PRUNE1: variants seen among roughly 807,000 people sequenced by gnomAD.
PRUNE1 encodes exopolyphosphatase PRUNE1.
A neutral mutation model predicts 42.5 loss-of-function variants in PRUNE1; 25 were observed. That is an observed-to-expected ratio of 0.59 (90% CI 0.43 to 0.82). PRUNE1 has a LOEUF of 0.82. Among genes scored for constraint, PRUNE1 ranks in the 40% least tolerant of loss-of-function variants. The pLI is 0.00. For missense variants in PRUNE1, 443 were observed against 539.3 expected, an observed-to-expected ratio of 0.82 and a Z score of 1.77; for synonymous variants, 203 against 217.1, an observed-to-expected ratio of 0.93 and a Z score of 0.57.
At chr1:151,019,289 G>A (rs1674279986) in intron 3 of PRUNE1, among the ~76,000 whole-genome samples, 1 of 152,062 alleles carries the variant, frequency 6.6e-6, no homozygotes, top group Non-Finnish European at 1.5e-5. Context: ...GGGTGTGATG[G>A]CTCACGCCTG....
rs762208592 is a variant in PRUNE1 at position 151,034,191 on chromosome 1, TCTCA to T, written c.1322_1325del (p.Ser441CysfsTer15). Reference sequence around the variant, plus strand: ...GCCGTCTTCGAGAAGTGCAGTCAGATCTCACTGTCACAGTCTACCACAGCCTCCC... The same window carrying T: ...GCCGTCTTCGAGAAGTGCAGTCAGATCTGTCACAGTCTACCACAGCCTCCC... On this transcript the variant is annotated frameshift_variant, in exon 8 of 8. Coordinates refer to ENST00000271620, the MANE Select transcript of PRUNE1 (RefSeq NM_021222.3). LOFTEE classifies it high-confidence loss of function. 4 of 1,613,956 alleles carry T rather than the reference TCTCA, an allele frequency of 2.5e-6. No homozygotes were observed. Among genetic ancestry groups the T allele is most frequent in the Non-Finnish European group, 3.4e-6 (4 of 1,180,020 alleles).
At chr1:151,031,416 G>A (rs922744875) in intron 7 of PRUNE1, among the ~76,000 whole-genome samples, 2 of 151,884 alleles carry the variant, frequency 1.3e-5, no homozygotes, top group African/African-American at 4.8e-5. Context: ...CGAACTCCTG[G>A]ACTCAAGTGA....
At chr1:151,031,175 T>TTTTTTTG (rs1263944625) in intron 7 of PRUNE1, among the ~76,000 whole-genome samples, 10 of 137,284 alleles carry the variant, frequency 7.3e-5, no homozygotes, top group African/African-American at 2.0e-4. Flanking sequence ...TGTTTTGTTT[T>TTTTTTTG]TGTGTGTGTG....
chr1:151,009,057 CTT>C (rs1284753473), intron 1 of PRUNE1, among the ~76,000 whole-genome samples: 1 of 152,124 alleles, frequency 6.6e-6, no homozygotes, highest in Non-Finnish European at 1.5e-5. Context: ...CCCCGCCCCT[CTT>C]TGAGTTCTCC....
At chr1:151,015,794 C>T (rs895588533) in intron 1 of PRUNE1, among the ~76,000 whole-genome samples, 1 of 152,032 alleles carries the variant, frequency 6.6e-6, no homozygotes, top group African/African-American at 2.4e-5. Flanking sequence ...CAGAGTGAGA[C>T]CCTGTCTCAA....
At chr1:151,022,520 G>A (rs1181148766) in intron 3 of PRUNE1, among the ~76,000 whole-genome samples, 3 of 151,110 alleles carry the variant, frequency 2.0e-5, no homozygotes, top group Admixed American at 6.6e-5. Context: ...CCGGGTTCAC[G>A]CCATTCTCCT....
Position 151,018,484 on chromosome 1 carries a change from A to C in PRUNE1, c.150A>C (p.Glu50Asp), listed in dbSNP as rs770065564. 1.2e-6 allele frequency: 2 copies of C among 1,612,470 alleles called. No homozygotes were observed. The highest frequency in any genetic ancestry group is 1.7e-6 in the Non-Finnish European group (2 of 1,178,548). Residue 50 changes from glutamate to aspartate, a missense_variant, in exon 3 of 8, where the codon GAA becomes GAC. Glu to Asp is a conservative substitution (Grantham distance 45). Coordinates refer to ENST00000271620, the MANE Select transcript of PRUNE1 (RefSeq NM_021222.3). ...FYLAKTTEAE[E>D]VFVPVLNIKR... ...CTATCTAGACAACTGAGGCTGAGGAAGTCTTTGTGCCAGTTTTAAATATAA... is the reference window on the plus strand; with the variant it reads ...CTATCTAGACAACTGAGGCTGAGGACGTCTTTGTGCCAGTTTTAAATATAA...
chr1:151,013,656 TTA>T (rs1157630605), intron 1 of PRUNE1, among the ~76,000 whole-genome samples: 6 of 152,300 alleles, frequency 3.9e-5, no homozygotes, highest in Admixed American at 3.3e-4. Context: ...TCCACTGCTC[TTA>T]TGTTTTTCCT....
chr1:151,014,126 C>A (rs1571771138), intron 1 of PRUNE1, among the ~76,000 whole-genome samples: 2 of 152,198 alleles, frequency 1.3e-5, no homozygotes, highest in East Asian at 3.9e-4. Flanking sequence ...ACTACAGGCA[C>A]CCGCCACCAC....
At chr1:151,012,175 CCTCATG>C (rs200510518) in intron 1 of PRUNE1, among the ~76,000 whole-genome samples, 4,611 of 152,244 alleles carry the variant, frequency 0.03, 108 homozygotes, top group South Asian at 0.1. Context: ...GCTTAGATTT[CCTCATG>C]CTGCTAAGTA....
At position 151,034,575 on chromosome 1, in the gene PRUNE1, A is replaced by G; in HGVS notation, c.*341A>G. On this transcript the variant is annotated 3_prime_UTR_variant, in exon 8 of 8. Transcript: ENST00000271620. ...AAAAGTGTCCTCGGCATGGATCTTG[A>G]ACAGAACCAGTATCTGTCATGGAAC... 1 of 266,334 alleles carries G rather than the reference A, an allele frequency of 3.8e-6. No homozygotes were observed. The highest frequency in any genetic ancestry group is 6.1e-5 in the South Asian group (1 of 16,506). 16.5% of individuals were successfully genotyped at this position (266,334 alleles called of 1,614,324 possible). A position where few individuals can be genotyped will look rare whatever the true frequency, so the allele number is the denominator to read the frequency against.
intron 7 of PRUNE1, 23 bp from the exon 8 acceptor site, chr1:151,033,783 C>G (rs755494376): frequency 6.3e-7 from 1 of 1,592,334 alleles, no homozygotes; most frequent in Non-Finnish European, 8.6e-7. Flanking sequence ...TGTATCATTT[C>G]CCTGTTATTG....
rs752726277 is a variant in PRUNE1 at position 151,017,803 on chromosome 1, T to A, written c.40-9T>A. ...CTTTTGTTAGTTTCCCATTTTCCTT[T>A]CTCTCCAGGAGTCCCGACCTCTACA... On this transcript the variant is annotated splice_polypyrimidine_tract_variant and intron_variant, in intron 1 of 7. Coordinates refer to ENST00000271620, the MANE Select transcript of PRUNE1 (RefSeq NM_021222.3). 2.0e-6 allele frequency: 3 copies of A among 1,533,550 alleles called. No individual in the cohort carries two copies. The highest frequency in any genetic ancestry group is 2.7e-6 in the Non-Finnish European group (3 of 1,117,184). The allele number at this position is 1,533,550 out of a possible 1,614,324, so 95.0% of individuals were successfully genotyped here.
rs1675478736 is a variant in PRUNE1, at chr1:151,035,146, C to T, written c.*912C>T. ...CCATAAACTATGTATTTTGGCAAGA[C>T]ACTTCACTACTCCAGGTCTCACTTT... On this transcript the variant is annotated 3_prime_UTR_variant, in exon 8 of 8. Transcript: ENST00000271620. 6.6e-6 allele frequency: 1 copy of T among 152,164 alleles called. No homozygotes were observed. Among genetic ancestry groups the T allele is most frequent in the Non-Finnish European group, 1.5e-5 (1 of 68,042 alleles). 9.4% of individuals were successfully genotyped at this position (152,164 alleles called of 1,614,324 possible). A position where few individuals can be genotyped will look rare whatever the true frequency, so the allele number is the denominator to read the frequency against.
intron 1 of PRUNE1, among the ~76,000 whole-genome samples, chr1:151,016,464 T>C (rs939621715): frequency 2.0e-5 from 3 of 152,166 alleles, no homozygotes; most frequent in African/African-American, 7.2e-5. Context: ...CAAGACCCTG[T>C]CACCCCGATT....
At chr1:151,027,116 C>T (rs748498775) in intron 5 of PRUNE1, 117 bp from the exon 6 acceptor site, 1 of 624,094 alleles carries the variant, frequency 1.6e-6, no homozygotes, top group Non-Finnish European at 2.8e-6. Flanking sequence ...CTCCCCCATT[C>T]ATTGCCCCAA....
At chr1:151,030,071 G>A (rs768616201) in intron 7 of PRUNE1, among the ~76,000 whole-genome samples, 1 of 152,046 alleles carries the variant, frequency 6.6e-6, no homozygotes, top group Admixed American at 6.6e-5. Context: ...AGACCATCCT[G>A]GCCAACATGG....
intron 3 of PRUNE1, among the ~76,000 whole-genome samples, chr1:151,023,188 G>T (rs1303368912): frequency 1.3e-5 from 2 of 152,158 alleles, no homozygotes; most frequent in African/African-American, 4.8e-5. Context: ...AAAAGAATCA[G>T]ATTTTCTTTT....
chr1:151,021,740 C>CA (rs1674453361), intron 3 of PRUNE1, among the ~76,000 whole-genome samples: 12 of 146,894 alleles, frequency 8.2e-5, no homozygotes, highest in South Asian at 2.1e-4. Context: ...TTTTTTGAGA[C>CA]AGAGTTTTCT....
Sources: allele counts gnomAD v4.1 joint callset (sites outside exome capture counted in the v4.1 genomes callset), GRCh38; gene constraint gnomAD v4.1.1; transcripts MANE v1.5; gene names NCBI Gene and HGNC (gene_info 2026-07-23, HGNC 2026-07-21).